Variants in FARP1 observed in about 807,000 individuals in gnomAD.
FARP1 encodes the protein FERM, ARHGEF and pleckstrin domain-containing protein 1.
In FARP1, 52 loss-of-function variants were observed where a neutral mutation model predicts 128.8. The ratio of observed to expected loss-of-function variants is 0.40; its 90% CI spans 0.32 to 0.51. The LOEUF (loss-of-function observed/expected upper bound fraction) is 0.51, where lower values mean the gene tolerates loss of function less well. FARP1 is among the 20% of genes least tolerant of loss of function. The probability of loss-of-function intolerance (pLI) is 0.45; values close to 1 mark genes in which losing one functional copy is unlikely to be tolerated. For synonymous variants in FARP1, 580 were observed against 551.8 expected (o/e 1.05, Z -0.72); for missense variants, 1,333 against 1,367.9 (o/e 0.97, Z 0.40).
intron 1 of FARP1, among the ~76,000 whole-genome samples, chr13:98,210,304 A>C (rs1246836738): frequency 1.3e-5 from 2 of 151,920 alleles, no homozygotes; most frequent in African/African-American, 4.8e-5. Context: ...ATTGGGCCTG[A>C]TGGTTCATTT....
At chr13:98,277,150 C>CACACACACACACACACACACCCA (rs1566824337) in intron 2 of FARP1, among the ~76,000 whole-genome samples, 1 of 11,700 alleles carries the variant, frequency 8.5e-5, no homozygotes, top group African/African-American at 1.5e-4. Context: ...ACACACACAC[C>CACACACACACACACACACACCCA]CCATATGTAT....
chr13:98,218,080 C>A (rs564201847), intron 2 of FARP1, among the ~76,000 whole-genome samples: 19 of 152,282 alleles, frequency 1.2e-4, no homozygotes, highest in African/African-American at 4.3e-4. Flanking sequence ...TCCTCTGCCT[C>A]CTACTCCCAC....
intron 2 of FARP1, chr13:98,333,984 C>T (rs1176164160): frequency 6.7e-6 from 1 of 149,944 alleles, no homozygotes; most frequent in Non-Finnish European, 1.5e-5. Flanking sequence ...ATCATCATCC[C>T]AAATACCCAT....
At chr13:98,394,424 CA>C (rs555027798) in intron 12 of FARP1, among the ~76,000 whole-genome samples, 68 of 152,368 alleles carry the variant, frequency 4.5e-4, no homozygotes, top group African/African-American at 1.5e-3. Context: ...AACTTGCCTT[CA>C]GGGGTCCCTG....
chr13:98,177,116 G>A, intron 1 of FARP1: 2 of 1,602,334 alleles, frequency 1.2e-6, no homozygotes, highest in Non-Finnish European at 1.7e-6. Context: ...CCGTGCTCGG[G>A]GTCGCAGGCC....
intron 15 of FARP1, 129 bp from the exon 16 acceptor site, chr13:98,411,772 A>G: frequency 2.0e-6 from 2 of 979,654 alleles, no homozygotes; most frequent in Non-Finnish European, 3.1e-6. Flanking sequence ...TGTTCCTGAA[A>G]TGCCAAGAAC....
At chr13:98,371,606 A>G (rs9513413) in intron 5 of FARP1, among the ~76,000 whole-genome samples, 28,583 of 152,052 alleles carry the variant, frequency 0.19, 2,876 homozygotes, top group Middle Eastern at 0.26. Flanking sequence ...TACAAGGCAT[A>G]GAGAACCTCA....
intron 2 of FARP1, among the ~76,000 whole-genome samples, chr13:98,216,561 GC>G (rs1445198817): frequency 6.6e-6 from 1 of 152,104 alleles, no homozygotes; most frequent in East Asian, 1.9e-4. Flanking sequence ...AATTTCCTGG[GC>G]CTTTGCTTAT....
intron 19 of FARP1, among the ~76,000 whole-genome samples, chr13:98,436,961 A>G (rs74411137): frequency 0.016 from 2,504 of 152,290 alleles, 63 homozygotes; most frequent in African/African-American, 0.056. Flanking sequence ...AGAACCTTGG[A>G]TTGGAGGAGG....
intron 2 of FARP1, among the ~76,000 whole-genome samples, chr13:98,282,165 A>G (rs1399948667): frequency 6.6e-6 from 1 of 152,100 alleles, no homozygotes; most frequent in East Asian, 1.9e-4. Context: ...TTAGCCAGGC[A>G]TGGTGGTGTG....
intron 2 of FARP1, among the ~76,000 whole-genome samples, chr13:98,325,801 G>T (rs16955342): frequency 0.15 from 22,563 of 152,240 alleles, 1,922 homozygotes; most frequent in East Asian, 0.27. Context: ...GTAAAATGCA[G>T]CATGCTGGTG....
intron 2 of FARP1, among the ~76,000 whole-genome samples, chr13:98,309,615 C>A (rs1436419132): frequency 3.9e-5 from 6 of 152,054 alleles, no homozygotes; most frequent in African/African-American, 1.4e-4. Context: ...TGGGAGACTT[C>A]CATGCTTAAA....
intron 2 of FARP1, among the ~76,000 whole-genome samples, chr13:98,307,937 C>G (rs879335064): frequency 6.6e-6 from 1 of 151,952 alleles, no homozygotes; most frequent in Non-Finnish European, 1.5e-5. Flanking sequence ...TACAATCTGA[C>G]GGCAGCCTAG....
chr13:98,446,870 C>T lies in FARP1; in HGVS notation c.3056+53C>T, dbSNP rs377332475. 476 of 1,579,702 alleles carry T rather than the reference C, an allele frequency of 3.0e-4. 8 individuals carry two copies. The South Asian group carries it at 4.9e-3, about 16-fold the overall frequency. Reference sequence around the variant, plus strand: ...CCCTGCAGAAGAGGACCCCCTCTTCCAAACATCAGGATTTCTCCCAAGTCA... The same window carrying T: ...CCCTGCAGAAGAGGACCCCCTCTTCTAAACATCAGGATTTCTCCCAAGTCA... On this transcript the variant is annotated intron_variant, in intron 26 of 26. Coordinates refer to ENST00000319562, the MANE Select transcript of FARP1 (RefSeq NM_005766.4).
chr13:98,240,246 C>T (rs182255577), intron 2 of FARP1, among the ~76,000 whole-genome samples: 5 of 152,250 alleles, frequency 3.3e-5, no homozygotes, highest in Admixed American at 2.6e-4. Flanking sequence ...AAGGAACACG[C>T]GATGACGAAT....
chr13:98,341,237 C>G (rs746371676), intron 2 of FARP1, among the ~76,000 whole-genome samples: 1 of 152,044 alleles, frequency 6.6e-6, no homozygotes. Flanking sequence ...CATGTCCATC[C>G]GTGTACTTGG....
chr13:98,358,550 C>A (rs1420664171), intron 3 of FARP1, among the ~76,000 whole-genome samples: 2 of 151,990 alleles, frequency 1.3e-5, no homozygotes, highest in Non-Finnish European at 2.9e-5. Context: ...TTAAATATAA[C>A]CAAATGTAAA....
intron 11 of FARP1, 139 bp from the exon 12 acceptor site, chr13:98,393,504 G>A: frequency 1.5e-6 from 1 of 662,034 alleles, no homozygotes; most frequent in South Asian, 1.8e-5. Context: ...AGTAGCATTT[G>A]TAAAGGCGGC....
At chr13:98,189,898 A>T (rs1411381681) in intron 1 of FARP1, among the ~76,000 whole-genome samples, 2 of 152,232 alleles carry the variant, frequency 1.3e-5, no homozygotes, top group Non-Finnish European at 2.9e-5. Context: ...TTAATTAAAA[A>T]TTATTTTTTA....
Sources: gnomAD v4.1 joint callset for allele counts (sites outside exome capture counted in the v4.1 genomes callset) on GRCh38, gnomAD v4.1.1 for gene constraint, MANE v1.5 for transcripts, NCBI Gene and HGNC (gene_info 2026-07-23, HGNC 2026-07-21) for gene names.